Variants in EIPR1 observed in about 807,000 individuals in gnomAD.
The protein encoded by EIPR1 is EARP complex and GARP complex interacting protein 1.
A neutral mutation model predicts 48.1 loss-of-function variants in EIPR1; 25 were observed. The ratio of observed to expected loss-of-function variants is 0.52; its 90% CI spans 0.38 to 0.73. EIPR1 has a LOEUF of 0.73. Among genes scored for constraint, EIPR1 ranks in the 30% least tolerant of loss-of-function variants. EIPR1 has a pLI of 0.00. For missense variants in EIPR1, 415 were observed against 506.2 expected (o/e 0.82, Z 1.73); for synonymous variants, 204 against 201.9 (o/e 1.01, Z -0.09).
intron 1 of EIPR1, among the ~76,000 whole-genome samples, chr2:3,375,681 C>A (rs1008671040): frequency 3.3e-5 from 5 of 152,180 alleles, no homozygotes; most frequent in African/African-American, 1.2e-4. Flanking sequence ...CTAAGTAGGT[C>A]AGAATCCAAG....
At chr2:3,368,377 G>A (rs759642909) in intron 1 of EIPR1, among the ~76,000 whole-genome samples, 30 of 152,122 alleles carry the variant, frequency 2.0e-4, no homozygotes, top group Non-Finnish European at 2.8e-4. Context: ...TTCCCACCCC[G>A]ACCGTCCTTT....
chr2:3,226,655 T>C (rs7578842), intron 4 of EIPR1, among the ~76,000 whole-genome samples: 40,710 of 152,206 alleles, frequency 0.27, 6,718 homozygotes, highest in Non-Finnish European at 0.38. Context: ...CTGCCTGTGC[T>C]TTTGTGTCTT....
chr2:3,217,747 G>A (rs1367071424), intron 4 of EIPR1, among the ~76,000 whole-genome samples: 1 of 152,002 alleles, frequency 6.6e-6, no homozygotes, highest in Non-Finnish European at 1.5e-5. Context: ...TCACAAAAAG[G>A]CTGCAACCAG....
Position 3,217,452 on chromosome 2 carries a change from C to T in EIPR1, c.417-3204G>A, listed in dbSNP as rs182405567. 9.1e-4 allele frequency among the ~76,000 whole-genome samples: 138 copies of T among 152,226 alleles called. 1 individual carries two copies. The highest frequency in any genetic ancestry group is 1.5e-3 in the Non-Finnish European group (102 of 68,012). ...TTAACTTCAATAAACATAGGTACTT[C>T]GTAAAACTCAAGAAAGTAACCCCAT... On this transcript the variant is annotated intron_variant, in intron 4 of 8. Transcript: ENST00000382125.
rs1266356083 is a variant in EIPR1 at position 3,346,619 on chromosome 2, A to C, written c.126+7931T>G. 3.9e-5 allele frequency among the ~76,000 whole-genome samples: 6 copies of C among 152,342 alleles called. No individual in the cohort carries two copies. In the East Asian group the frequency reaches 1.2e-3, roughly 29 times the overall value. Reference sequence around the variant, plus strand: ...GAAAAATAAATACACAATAGAAGTAACAGGAATCCTATAACATGAAGACTT... The same window carrying C: ...GAAAAATAAATACACAATAGAAGTACCAGGAATCCTATAACATGAAGACTT... On this transcript the variant is annotated intron_variant, in intron 2 of 8. Coordinates refer to ENST00000382125, the MANE Select transcript of EIPR1 (RefSeq NM_003310.5).
intron 4 of EIPR1, among the ~76,000 whole-genome samples, chr2:3,244,451 G>C (rs1406934819): frequency 1.3e-5 from 2 of 152,086 alleles, no homozygotes; most frequent in African/African-American, 2.4e-5. Flanking sequence ...CTATGTTCTT[G>C]TTGGAAGCCC....
intron 3 of EIPR1, among the ~76,000 whole-genome samples, chr2:3,295,880 C>A (rs1286201337): frequency 2.4e-5 from 3 of 122,860 alleles, no homozygotes; most frequent in African/African-American, 3.2e-5. Context: ...CTGCACACAC[C>A]CTCCATCCAG....
Position 3,208,643 on chromosome 2 carries a change from T to C in EIPR1, c.516+5506A>G, listed in dbSNP as rs1029720338. 2.6e-6 allele frequency: 4 copies of C among 1,550,528 alleles called. No homozygotes were observed. In the African/African-American group the frequency reaches 4.1e-5, roughly 16 times the overall value. ...ATTTGGCCATGGCATTCTGGTATGC[T>C]TGGCATATGGCTGACTTCTTGCAGT... On this transcript the variant is annotated intron_variant, in intron 5 of 8. Transcript: ENST00000382125.
At chr2:3,317,277 A>C (rs1436906868) in intron 3 of EIPR1, among the ~76,000 whole-genome samples, 13 of 112,176 alleles carry the variant, frequency 1.2e-4, no homozygotes, top group Admixed American at 1.8e-4. Flanking sequence ...CCGGGTAGAG[A>C]ACAGAGCCCC....
chr2:3,377,619 C>G, intron 1 of EIPR1, 29 bp downstream of exon 1: 5 of 1,561,586 alleles, frequency 3.2e-6, no homozygotes, highest in Non-Finnish European at 4.3e-6. Flanking sequence ...CCAGGCCGAG[C>G]AGCACCTGCC....
In EIPR1 at chr2:3,257,673, T is replaced by C. The variant is rs1667204075; in HGVS notation, c.260-218A>G. On this transcript the variant is annotated intron_variant, in intron 3 of 8. Coordinates refer to ENST00000382125, the MANE Select transcript of EIPR1 (RefSeq NM_003310.5). Reference sequence around the variant, plus strand: ...GTAATCAGCATCCTGTTCCCCACTTTCTCTTTGTTTTAAAAACCATCATGC... The same window carrying C: ...GTAATCAGCATCCTGTTCCCCACTTCCTCTTTGTTTTAAAAACCATCATGC... The C allele has an allele frequency of 9.5e-6, 4 of 422,170 alleles. No homozygotes were observed. In the South Asian group the frequency reaches 2.5e-4, roughly 26 times the overall value. 26.2% of individuals were successfully genotyped at this position (422,170 alleles called of 1,614,324 possible). A position where few individuals can be genotyped will look rare whatever the true frequency, so the allele number is the denominator to read the frequency against.
intron 5 of EIPR1, among the ~76,000 whole-genome samples, chr2:3,210,572 G>A (rs1186426209): frequency 6.6e-6 from 1 of 151,704 alleles, no homozygotes; most frequent in Non-Finnish European, 1.5e-5. Flanking sequence ...AGGAGGTCCC[G>A]GTGCTGCTGT....
intron 4 of EIPR1, among the ~76,000 whole-genome samples, chr2:3,237,470 T>G (rs768607055): frequency 1.3e-5 from 2 of 152,190 alleles, no homozygotes; most frequent in African/African-American, 2.4e-5. Flanking sequence ...ATTGAGCTCT[T>G]ACTGCATCTA....
At chr2:3,326,113 G>A (rs1266658360) in intron 3 of EIPR1, among the ~76,000 whole-genome samples, 4 of 152,234 alleles carry the variant, frequency 2.6e-5, no homozygotes, top group African/African-American at 9.6e-5. Flanking sequence ...GCCCTGGACT[G>A]GGCATAAGGT....
chr2:3,253,565 T>C (rs1312942278), intron 4 of EIPR1, among the ~76,000 whole-genome samples: 1 of 152,200 alleles, frequency 6.6e-6, no homozygotes. Context: ...CTAAAGACCC[T>C]ACTGCTCCCG....
intron 6 of EIPR1, among the ~76,000 whole-genome samples, chr2:3,195,248 C>T (rs1467922331): frequency 6.6e-6 from 1 of 152,234 alleles, no homozygotes; most frequent in Non-Finnish European, 1.5e-5. Flanking sequence ...CCTGGCGCTG[C>T]CCAGCAGCTC....
chr2:3,284,172 C>T (rs902028292), intron 3 of EIPR1, among the ~76,000 whole-genome samples: 6 of 148,638 alleles, frequency 4.0e-5, no homozygotes, highest in African/African-American at 1.5e-4. Flanking sequence ...GCACAGAAGG[C>T]CGTGCCACGG....
chr2:3,245,969 T>C (rs1350994962), intron 4 of EIPR1, among the ~76,000 whole-genome samples: 1 of 152,206 alleles, frequency 6.6e-6, no homozygotes, highest in African/African-American at 2.4e-5. Context: ...TACATGCCTA[T>C]GGTCCCAGCT....
intron 1 of EIPR1, among the ~76,000 whole-genome samples, chr2:3,372,237 G>C (rs1241805722): frequency 6.6e-6 from 1 of 151,062 alleles, no homozygotes; most frequent in Non-Finnish European, 1.5e-5. Flanking sequence ...AAAGCAGTGT[G>C]TAGAGGGAAA....
Sources: gnomAD v4.1 joint callset for allele counts (sites outside exome capture counted in the v4.1 genomes callset) on GRCh38, gnomAD v4.1.1 for gene constraint, MANE v1.5 for transcripts, NCBI Gene and HGNC (gene_info 2026-07-23, HGNC 2026-07-21) for gene names.